LRRC53: variants seen among roughly 807,000 people sequenced by gnomAD.
LRRC53 encodes the protein leucine-rich repeat-containing protein 53.
In LRRC53, 25 loss-of-function variants were observed where a neutral mutation model predicts 13.6. That is an observed-to-expected ratio of 1.83 (90% confidence interval 1.34 to 2.56). The LOEUF (loss-of-function observed/expected upper bound fraction) is 2.56. Ranked by LOEUF, LRRC53 falls within the 30% of genes most tolerant of loss-of-function variation. The pLI is 0.00. For synonymous variants in LRRC53, 204 were observed against 109.8 expected, an observed-to-expected ratio of 1.86 and a Z score of -5.37; for missense variants, 527 against 275.8, an observed-to-expected ratio of 1.91 and a Z score of -6.45.
chr1:74,527,168 AG>A, the LRRC53 span, among the ~76,000 whole-genome samples: 2 of 152,214 alleles, frequency 1.3e-5, no homozygotes, highest in Non-Finnish European at 2.9e-5. Context: ...CAGTTTTACT[AG>A]CCCGTGCCAG....
chr1:74,476,097 A>G (rs769819457), intron 3 of LRRC53, among the ~76,000 whole-genome samples: 5 of 152,174 alleles, frequency 3.3e-5, no homozygotes, highest in Non-Finnish European at 5.9e-5. Context: ...CTCATTTAAG[A>G]TAAAACAGTT....
intron 1 of LRRC53, 135 bp from the exon 2 acceptor site, chr1:74,483,510 A>G: frequency 1.9e-6 from 1 of 521,780 alleles, no homozygotes. Flanking sequence ...TTAAGATGCC[A>G]GGTAAATAAC....
chr1:74,491,474 TCATGATCC>T (rs1446547401), intron 1 of LRRC53, among the ~76,000 whole-genome samples: 1 of 151,912 alleles, frequency 6.6e-6, no homozygotes, highest in Non-Finnish European at 1.5e-5. Context: ...TCTCTTGACC[TCATGATCC>T]GCTCACCTCA....
At chr1:74,493,783 G>C (rs1669195357) in intron 1 of LRRC53, among the ~76,000 whole-genome samples, 1 of 152,158 alleles carries the variant, frequency 6.6e-6, no homozygotes, top group Non-Finnish European at 1.5e-5. Flanking sequence ...AGTAACTCAA[G>C]AGGACAAGCC....
chr1:74,492,411 G>T (rs905431671), intron 1 of LRRC53: 2 of 1,128,146 alleles, frequency 1.8e-6, no homozygotes, highest in Non-Finnish European at 1.2e-6. Flanking sequence ...TTTTTCTTAC[G>T]TTATGACTAA....
chr1:74,517,748 T>G, the LRRC53 span, among the ~76,000 whole-genome samples: 1 of 152,148 alleles, frequency 6.6e-6, no homozygotes, highest in Non-Finnish European at 1.5e-5. Flanking sequence ...ACATCTTAGT[T>G]CATCGTCTCA....
intron 1 of LRRC53, among the ~76,000 whole-genome samples, chr1:74,503,574 G>C (rs1669742997): frequency 6.6e-6 from 1 of 152,070 alleles, no homozygotes; most frequent in Non-Finnish European, 1.5e-5. Flanking sequence ...TAAATCTAGG[G>C]ACAAGACCAT....
At chr1:74,515,249 G>C (rs1241441306), upstream of LRRC53, among the ~76,000 whole-genome samples, 3 of 152,150 alleles carry the variant, frequency 2.0e-5, no homozygotes, top group Non-Finnish European at 4.4e-5. Flanking sequence ...ACTTCATAGA[G>C]CTTAGGAAGA....
chr1:74,490,257 A>G (rs1320447624), intron 1 of LRRC53, among the ~76,000 whole-genome samples: 1 of 152,176 alleles, frequency 6.6e-6, no homozygotes, highest in African/African-American at 2.4e-5. Context: ...ACTGGGACTT[A>G]CAGAAAGTGG....
intron 3 of LRRC53, among the ~76,000 whole-genome samples, chr1:74,478,045 G>A (rs1011035984): frequency 6.6e-6 from 1 of 152,022 alleles, no homozygotes; most frequent in Admixed American, 6.6e-5. Flanking sequence ...TATGTTCTTT[G>A]GAATTTTTAT....
At chr1:74,495,704 CA>C (rs1228483869) in intron 1 of LRRC53, among the ~76,000 whole-genome samples, 9 of 152,092 alleles carry the variant, frequency 5.9e-5, no homozygotes, top group Non-Finnish European at 1.0e-4. Context: ...AGTAAGTAAG[CA>C]AAGCTGGAAT....
intron 1 of LRRC53, among the ~76,000 whole-genome samples, chr1:74,489,997 T>C (rs1181704437): frequency 6.7e-6 from 1 of 149,644 alleles, no homozygotes; most frequent in African/African-American, 2.5e-5. Context: ...AACCTGAGAT[T>C]GCACCACTAA....
intron 4 of LRRC53, among the ~76,000 whole-genome samples, chr1:74,474,707 A>G (rs1668103820): frequency 6.6e-6 from 1 of 152,176 alleles, no homozygotes; most frequent in African/African-American, 2.4e-5. Flanking sequence ...GCCCATGTAC[A>G]GTGGGTAGAT....
Position 74,470,175 on chromosome 1 carries a change from G to T in LRRC53, c.3447C>A (p.Thr1149=). ...KDLSITSSHE[T]QNRILCSEVD... ...CTTCACTGCAAAGTATTCTATTTTG[G>T]GTTTCATGGGAACTTGTGATACTTA... is the stretch of plus-strand genomic sequence containing the variant. Residue 1149 remains threonine, a synonymous_variant, in exon 5 of 5, where the codon ACC becomes ACA. Transcript: ENST00000294635. The T allele has an allele frequency of 2.5e-6, 1 of 400,562 alleles. No homozygotes were observed. The highest frequency in any genetic ancestry group is 4.4e-6 in the Non-Finnish European group (1 of 226,138). 24.8% of individuals were successfully genotyped at this position (400,562 alleles called of 1,614,324 possible).
chr1:74,495,155 G>C (rs930465914), intron 1 of LRRC53, among the ~76,000 whole-genome samples: 1 of 152,008 alleles, frequency 6.6e-6, no homozygotes, highest in Non-Finnish European at 1.5e-5. Flanking sequence ...CTCTGATAAG[G>C]GTGTATCTGT....
At chr1:74,524,463 G>T in the LRRC53 span, among the ~76,000 whole-genome samples, 1 of 152,182 alleles carries the variant, frequency 6.6e-6, no homozygotes, top group Non-Finnish European at 1.5e-5. Context: ...GTGACTAACT[G>T]TGGAATCTCC....
intron 1 of LRRC53, among the ~76,000 whole-genome samples, chr1:74,485,522 C>T (rs1668712796): frequency 6.6e-6 from 1 of 152,158 alleles, no homozygotes; most frequent in African/African-American, 2.4e-5. Flanking sequence ...TGCAAGATTC[C>T]TGTCCCCTGG....
the LRRC53 span, among the ~76,000 whole-genome samples, chr1:74,523,005 C>G: frequency 6.6e-6 from 1 of 152,208 alleles, no homozygotes. Context: ...CATGCATTCA[C>G]TACAGCAGAT....
chr1:74,493,606 T>A (rs1370833290), intron 1 of LRRC53, among the ~76,000 whole-genome samples: 1 of 152,192 alleles, frequency 6.6e-6, no homozygotes, highest in Non-Finnish European at 1.5e-5. Context: ...GGATATACAA[T>A]CATAATCATT....
Sources: gnomAD v4.1 joint callset for allele counts (sites outside exome capture counted in the v4.1 genomes callset) on GRCh38, gnomAD v4.1.1 for gene constraint, MANE v1.5 for transcripts, NCBI Gene and HGNC (gene_info 2026-07-23, HGNC 2026-07-21) for gene names.